The following ZMYM6 variants were observed in gnomAD, a reference collection of about 807,000 sequenced individuals.
The protein encoded by ZMYM6 is zinc finger MYM-type containing 6.
A neutral mutation model predicts 134.0 loss-of-function variants in ZMYM6; 90 were observed. The ratio of observed to expected loss-of-function variants is 0.67; its 90% CI spans 0.57 to 0.80. ZMYM6 has a LOEUF of 0.80. Among genes scored for constraint, ZMYM6 ranks in the 30% least tolerant of loss-of-function variants. The probability of loss-of-function intolerance (pLI) is 0.00; values close to 1 mark genes in which losing one functional copy is unlikely to be tolerated. For missense variants in ZMYM6, 1,362 were observed against 1,533.9 expected, an observed-to-expected ratio of 0.89 and a Z score of 1.87; for synonymous variants, 481 against 524.1, an observed-to-expected ratio of 0.92 and a Z score of 1.12.
At chr1:35,014,561 A>G (rs3820462) in intron 6 of ZMYM6, 136 bp downstream of exon 6, 85,377 of 851,968 alleles carry the variant, frequency 0.1, 15,645 homozygotes, top group African/African-American at 0.61. Context: ...ATCAGAATCT[A>G]TCCCATTTTC....
At chr1:35,000,747 A>G (rs1640866525) in intron 14 of ZMYM6, among the ~76,000 whole-genome samples, 1 of 152,220 alleles carries the variant, frequency 6.6e-6, no homozygotes, top group Non-Finnish European at 1.5e-5. Context: ...TGTCTAAAAG[A>G]ACACATGCTA....
rs374659652 is a variant in ZMYM6, at chr1:35,004,003, C to T, written c.1957G>A (p.Ala653Thr). 6.2e-7 allele frequency: 1 copy of T among 1,609,908 alleles called. No individual in the cohort carries two copies. Among genetic ancestry groups the T allele is most frequent in the Admixed American group, 1.7e-5 (1 of 59,846 alleles). ...ATCTTTGCTGCCTCTTTAGTAACTG[C>T]ACCTGTTGTAAATTAAAACAAATAT... ...TGNTNSVLKG[A>T]VTKEAAKIIQ... is the part of the protein sequence containing the mutation. The change falls in exon 14 of 16, where the codon GCA becomes ACA. Residue 653 changes from alanine (A) to threonine (T), a missense_variant and splice_region_variant. Coordinates refer to ENST00000357182, the MANE Select transcript of ZMYM6 (RefSeq NM_007167.4).
In ZMYM6 at chr1:35,030,669, G is replaced by A. The variant is rs778596105; in HGVS notation, c.-30C>T. The A allele has an allele frequency of 2.5e-6, 4 of 1,589,838 alleles. No individual in the cohort carries two copies. The highest frequency in any genetic ancestry group is 1.1e-5 in the South Asian group (1 of 88,666). ...ATTTTTTACCTCAAAGAGTGTCTCA[G>A]GCTCAAACGAATAGATTTCTTCTTG... On this transcript the variant is annotated 5_prime_UTR_variant, in exon 2 of 16. Coordinates refer to ENST00000357182, the MANE Select transcript of ZMYM6 (RefSeq NM_007167.4).
At position 34,987,602 on chromosome 1, in the gene ZMYM6, C is replaced by T. The variant is rs761036576; in HGVS notation, c.3480G>A (p.Glu1160=). Residue 1160 remains glutamate, a synonymous_variant, in exon 16 of 16, where the codon GAG becomes GAA. Transcript: ENST00000357182. ...ATGAAGGGAACATGTCATAATCATT[C>T]TCTTGTGTGCGCTTCAACCACATTT... is the stretch of plus-strand genomic sequence containing the variant. ...KLKMWLKRTQ[E]NDYDMFPSFS... is the part of the protein sequence containing the mutation. The T allele has an allele frequency of 1.2e-6, 2 of 1,611,520 alleles. No homozygotes were observed. Among genetic ancestry groups the T allele is most frequent in the East Asian group, 2.2e-5 (1 of 44,756 alleles).
Position 35,031,892 on chromosome 1 carries a change from T to C in ZMYM6, c.-152A>G, listed in dbSNP as rs1557595082. The C allele has an allele frequency of 1.3e-5, 2 of 152,284 alleles. No homozygotes were observed. The highest frequency in any genetic ancestry group is 2.4e-5 in the African/African-American group (1 of 41,450). 9.4% of individuals were successfully genotyped at this position (152,284 alleles called of 1,614,324 possible). ...CTGCATCTAGACAGGGATTATTTTCTCTTCTGGAATTCCGCCTGATCCATC... is the reference window on the plus strand; with the variant it reads ...CTGCATCTAGACAGGGATTATTTTCCCTTCTGGAATTCCGCCTGATCCATC... On this transcript the variant is annotated 5_prime_UTR_variant, in exon 1 of 16. Coordinates refer to ENST00000357182, the MANE Select transcript of ZMYM6 (RefSeq NM_007167.4).
chr1:34,990,951 A>G (rs924014358), intron 15 of ZMYM6, among the ~76,000 whole-genome samples: 1 of 151,960 alleles, frequency 6.6e-6, no homozygotes, highest in African/African-American at 2.4e-5. Flanking sequence ...CGCAACCTCT[A>G]CCTCCCAGGT....
In ZMYM6 at chr1:35,010,768, A is replaced by G. The variant is rs1027630626; in HGVS notation, c.1331T>C (p.Leu444Pro). Residue 444 changes from leucine (L) to proline (P), a missense_variant, in exon 9 of 16, where the codon CTT (leucine) becomes CCT (proline). Physicochemically the swap from Leu to Pro is moderately conservative, Grantham distance 98 (BLOSUM62 -3). Transcript: ENST00000357182. ...NHLFATKPEL[L>P]FYKGKMFLFC... Reference sequence around the variant, plus strand: ...ATGATCTCTCTTTACCTTGTAAAAAAGAAGTTCTGGTTTTGTGGCAAATAG... The same window carrying G: ...ATGATCTCTCTTTACCTTGTAAAAAGGAAGTTCTGGTTTTGTGGCAAATAG... 6.4e-7 allele frequency: 1 copy of G among 1,559,880 alleles called. No individual in the cohort carries two copies. The highest frequency in any genetic ancestry group is 8.6e-7 in the Non-Finnish European group (1 of 1,158,116).
At chr1:34,995,210 G>A (rs1640762303) in intron 14 of ZMYM6, among the ~76,000 whole-genome samples, 1 of 147,536 alleles carries the variant, frequency 6.8e-6, no homozygotes, top group Non-Finnish European at 1.5e-5. Context: ...TAAGTGCTAA[G>A]TGCTCTCTCT....
intron 15 of ZMYM6, among the ~76,000 whole-genome samples, chr1:34,990,888 G>T (rs1027366193): frequency 1.3e-5 from 2 of 152,142 alleles, no homozygotes; most frequent in Admixed American, 1.3e-4. Flanking sequence ...AAAAGAGACG[G>T]AGTTTCACTC....
rs1240332712 is a variant in ZMYM6 at position 35,017,682 on chromosome 1, T to C, written c.428+1671A>G. On this transcript the variant is annotated intron_variant, in intron 4 of 15. Coordinates refer to ENST00000357182, the MANE Select transcript of ZMYM6 (RefSeq NM_007167.4). ...TTAACTTTTAATTTTATAAATATCA[T>C]GTTTTAACAGTATGACTTAATTTAA... is the stretch of plus-strand genomic sequence containing the variant. 2.0e-5 allele frequency: 3 copies of C among 152,168 alleles called. No homozygotes were observed. In the East Asian group the frequency reaches 5.8e-4, roughly 29 times the overall value. The allele number at this position is 152,168 out of a possible 1,614,324, so 9.4% of individuals were successfully genotyped here.
chr1:35,030,706 T>G lies in ZMYM6; in HGVS notation c.-67A>C. 2.1e-6 allele frequency: 3 copies of G among 1,417,048 alleles called. No individual in the cohort carries two copies. Among genetic ancestry groups the G allele is most frequent in the Non-Finnish European group, 2.9e-6 (3 of 1,018,962 alleles). 87.8% of individuals were successfully genotyped at this position (1,417,048 alleles called of 1,614,324 possible). A position where few individuals can be genotyped will look rare whatever the true frequency, so the allele number is the denominator to read the frequency against. On this transcript the variant is annotated 5_prime_UTR_variant, in exon 2 of 16. Transcript: ENST00000357182. ...TAGATTTCTTCTTGGTAATGGATAG[T>G]TGGACACCTAAAATACATACTCAGG...
At chr1:35,006,903 G>A in intron 12 of ZMYM6, 48 bp downstream of exon 12, 15 of 1,495,294 alleles carry the variant, frequency 1.0e-5, no homozygotes, top group Non-Finnish European at 1.3e-5. Flanking sequence ...TATGCTGATA[G>A]TGTCCTAGCA....
chr1:35,020,574 T>C, intron 2 of ZMYM6, 107 bp from the exon 3 acceptor site: 1 of 811,012 alleles, frequency 1.2e-6, no homozygotes, highest in Non-Finnish European at 1.7e-6. Context: ...TCTCCTTTTT[T>C]TTTTTTTTTT....
Position 35,012,515 on chromosome 1 carries a change from T to C in ZMYM6, c.862A>G (p.Thr288Ala), listed in dbSNP as rs1298183561. 2 of 1,613,478 alleles carry C rather than the reference T, an allele frequency of 1.2e-6. No individual in the cohort carries two copies. Among genetic ancestry groups the C allele is most frequent in the East Asian group, 2.2e-5 (1 of 44,820 alleles). Residue 288 changes from threonine (T) to alanine (A), a missense_variant, in exon 7 of 16, where the codon ACT (threonine) becomes GCT (alanine). Physicochemically the swap from Thr to Ala is moderately conservative, Grantham distance 58. Coordinates refer to ENST00000357182, the MANE Select transcript of ZMYM6 (RefSeq NM_007167.4). ...SLRPSAEMIE[T>A]TNDSGKTELF... Reference sequence around the variant, plus strand: ...TCTGTTTTTCCTGAATCATTTGTAGTCTCAATCATTTCAGCTGAGGGCCTC... The same window carrying C: ...TCTGTTTTTCCTGAATCATTTGTAGCCTCAATCATTTCAGCTGAGGGCCTC...
intron 6 of ZMYM6, chr1:35,013,652 TTTAA>T (rs1641129053): frequency 2.0e-6 from 2 of 985,180 alleles, no homozygotes; most frequent in South Asian, 4.7e-5. Flanking sequence ...TGAAAAAAAG[TTTAA>T]TTATCATTTA....
In ZMYM6 at chr1:35,020,353, G is replaced by A. The variant is rs1253138887; in HGVS notation, c.178+30C>T. On this transcript the variant is annotated intron_variant, in intron 3 of 15. Coordinates refer to ENST00000357182, the MANE Select transcript of ZMYM6 (RefSeq NM_007167.4). ...AAAAGTCAGAATAAGCAAATTAATT[G>A]TAACTAACTTATACAGTTCCATTTC... is the stretch of plus-strand genomic sequence containing the variant. 3.2e-6 allele frequency: 5 copies of A among 1,546,310 alleles called. No individual in the cohort carries two copies. The South Asian group carries it at 3.7e-5, about 11-fold the overall frequency.
chr1:35,011,831 T>C, intron 8 of ZMYM6, 59 bp downstream of exon 8: 2 of 1,220,556 alleles, frequency 1.6e-6, no homozygotes, highest in Non-Finnish European at 2.2e-6. Context: ...CAGTTAACAC[T>C]GTGCCACAGA....
chr1:35,019,281 AG>A lies in ZMYM6; in HGVS notation c.428+71del, dbSNP rs527402512. 67 of 1,590,002 alleles carry A rather than the reference AG, an allele frequency of 4.2e-5. No homozygotes were observed. The South Asian group carries it at 7.4e-4, about 18-fold the overall frequency. On this transcript the variant is annotated intron_variant, in intron 4 of 15. Coordinates refer to ENST00000357182, the MANE Select transcript of ZMYM6 (RefSeq NM_007167.4). ...TGCTGAAGAGATTTAAAGTATCAAC[AG>A]TATGTTTGAACTAAACAATATACAC... is the stretch of plus-strand genomic sequence containing the variant.
chr1:35,005,622 C>G (rs1434327587), intron 12 of ZMYM6, among the ~76,000 whole-genome samples: 4 of 130,572 alleles, frequency 3.1e-5, no homozygotes, highest in African/African-American at 1.3e-4. Flanking sequence ...ATAGCAAAAC[C>G]TAGTCTCAAA....
Sources: gnomAD v4.1 joint callset for allele counts (sites outside exome capture counted in the v4.1 genomes callset) on GRCh38, gnomAD v4.1.1 for gene constraint, MANE v1.5 for transcripts, NCBI Gene and HGNC (gene_info 2026-07-23, HGNC 2026-07-21) for gene names.